Variants in SNX7 observed in about 807,000 individuals in gnomAD.
SNX7 encodes sorting nexin 7, also known as sorting nexin-7.
A neutral mutation model predicts 48.4 loss-of-function variants in SNX7; 35 were observed. The observed-to-expected ratio is 0.72, with a 90% confidence interval of 0.55 to 0.96. The LOEUF is 0.96. SNX7 is among the 40% of genes least tolerant of loss of function. SNX7 has a pLI of 0.00. For missense variants in SNX7, 553 were observed against 548.9 expected (o/e 1.01, Z -0.07); for synonymous variants, 190 against 190.2 (o/e 1.00, Z 0.01).
chr1:98,715,417 T>C (rs906782613), intron 7 of SNX7, among the ~76,000 whole-genome samples: 4 of 152,188 alleles, frequency 2.6e-5, no homozygotes, highest in Admixed American at 2.0e-4. Flanking sequence ...GATGACTGAT[T>C]AAGGCAATGT....
rs1301404807 is a variant in SNX7, at chr1:98,661,741, G to C, written c.10G>C (p.Glu4Gln). The C allele has an allele frequency of 2.7e-5, 33 of 1,231,032 alleles. No homozygotes were observed. The highest frequency in any genetic ancestry group is 3.3e-5 in the Non-Finnish European group (32 of 982,644). 76.3% of individuals were successfully genotyped at this position (1,231,032 alleles called of 1,614,324 possible). A position where few individuals can be genotyped will look rare whatever the true frequency, so the allele number is the denominator to read the frequency against. ...GGCGCGCACTCTCGGGATGGAGGGCGAGCGCCGGGCATCGCAGGCGCCCTC... is the reference window on the plus strand; with the variant it reads ...GGCGCGCACTCTCGGGATGGAGGGCCAGCGCCGGGCATCGCAGGCGCCCTC... MEG[E>Q]RRASQAPSSG... is the part of the protein sequence containing the mutation. Residue 4 changes from glutamate (E) to glutamine (Q), a missense_variant, in exon 1 of 9, where the codon GAG becomes CAG. Coordinates refer to ENST00000306121, the MANE Select transcript of SNX7 (RefSeq NM_015976.5).
chr1:98,706,264 G>A (rs1425029736), intron 7 of SNX7, among the ~76,000 whole-genome samples: 1 of 152,132 alleles, frequency 6.6e-6, no homozygotes, highest in Non-Finnish European at 1.5e-5. Flanking sequence ...GTGTTGAGGA[G>A]CAGTGCAATT....
intron 7 of SNX7, among the ~76,000 whole-genome samples, chr1:98,704,705 T>C (rs1557809990): frequency 6.6e-6 from 1 of 152,140 alleles, no homozygotes; most frequent in Non-Finnish European, 1.5e-5. Context: ...CCTGGTTGTT[T>C]ACCATGGCAA....
rs184243939 is a variant in SNX7, at chr1:98,731,060, C to G, written c.1126-7177C>G. ...CTGGGTGATGGGTTGATAGGTGCAG[C>G]AAACCACCATGGCACATGTTTACCT... is the stretch of plus-strand genomic sequence containing the variant. On this transcript the variant is annotated intron_variant, in intron 7 of 8. Coordinates refer to ENST00000306121, the MANE Select transcript of SNX7 (RefSeq NM_015976.5). 1.4e-4 allele frequency among the ~76,000 whole-genome samples: 21 copies of G among 151,644 alleles called. No homozygotes were observed. In the East Asian group the frequency reaches 3.3e-3, roughly 24 times the overall value.
At chr1:98,754,443 C>G (rs797008333) in intron 8 of SNX7, among the ~76,000 whole-genome samples, 17 of 152,086 alleles carry the variant, frequency 1.1e-4, no homozygotes, top group African/African-American at 3.9e-4. Flanking sequence ...CTATAATTCT[C>G]TAGTGAAGAA....
intron 7 of SNX7, among the ~76,000 whole-genome samples, chr1:98,734,656 T>G (rs1653685036): frequency 6.6e-6 from 1 of 152,186 alleles, no homozygotes; most frequent in Non-Finnish European, 1.5e-5. Flanking sequence ...TTACTGTTAC[T>G]ATAGATATGT....
Position 98,701,849 on chromosome 1 carries a change from A to T in SNX7, c.1071A>T (p.Ala357=). ...TGAAAAGAAGAGACCAAATACAAGC[A>T]GAACTGGATTCCAAAGTTGAAGTTT... ...GVMKRRDQIQ[A]ELDSKVEVLT... Residue 357 remains alanine (A), a synonymous_variant, in exon 7 of 9, where the codon GCA becomes GCT. Coordinates refer to ENST00000306121, the MANE Select transcript of SNX7 (RefSeq NM_015976.5). 1 of 1,611,436 alleles carries T rather than the reference A, an allele frequency of 6.2e-7. No homozygotes were observed. Among genetic ancestry groups the T allele is most frequent in the Non-Finnish European group, 8.5e-7 (1 of 1,178,600 alleles).
At chr1:98,665,948 T>C (rs1201788318) in intron 1 of SNX7, among the ~76,000 whole-genome samples, 1 of 152,182 alleles carries the variant, frequency 6.6e-6, no homozygotes, top group African/African-American at 2.4e-5. Context: ...TGTATACATA[T>C]CTTTATATGT....
chr1:98,690,996 C>T (rs1651086842), intron 2 of SNX7, 79 bp from the exon 3 acceptor site: 1 of 803,782 alleles, frequency 1.2e-6, no homozygotes, highest in African/African-American at 1.8e-5. Flanking sequence ...CCATTTATTT[C>T]ACAATGTCTA....
At chr1:98,700,409 C>T (rs149605941) in intron 6 of SNX7, among the ~76,000 whole-genome samples, 2 of 152,164 alleles carry the variant, frequency 1.3e-5, no homozygotes, top group African/African-American at 4.8e-5. Flanking sequence ...GAGAGTGAGT[C>T]ATTTTGGTCA....
chr1:98,752,191 TACTC>T (rs1330584170), intron 8 of SNX7, among the ~76,000 whole-genome samples: 1 of 152,084 alleles, frequency 6.6e-6, no homozygotes, highest in East Asian at 1.9e-4. Context: ...GGACAGTAAA[TACTC>T]ACTGTAATAA....
chr1:98,745,276 C>G (rs1376163327), intron 8 of SNX7, among the ~76,000 whole-genome samples: 1 of 151,892 alleles, frequency 6.6e-6, no homozygotes, highest in Non-Finnish European at 1.5e-5. Flanking sequence ...TAGGCTGAAC[C>G]TCTGTCAAGA....
chr1:98,685,095 A>G (rs371119324), intron 2 of SNX7, 28 bp downstream of exon 2: 10 of 1,340,556 alleles, frequency 7.5e-6, no homozygotes, highest in Non-Finnish European at 9.9e-6. Flanking sequence ...ATTTTCTTGA[A>G]TATAGCTGCT....
chr1:98,727,546 G>A (rs896798068), intron 7 of SNX7, among the ~76,000 whole-genome samples: 10 of 152,100 alleles, frequency 6.6e-5, no homozygotes, highest in Non-Finnish European at 1.2e-4. Flanking sequence ...GACAGAAGTA[G>A]ACGTTTCAGA....
chr1:98,739,562 CAAAGAGAGCATGAT>C (rs1403692997), intron 8 of SNX7, among the ~76,000 whole-genome samples: 1 of 152,016 alleles, frequency 6.6e-6, no homozygotes, highest in Admixed American at 6.5e-5. Flanking sequence ...GAAACAATCA[CAAAGAGAGCATGAT>C]AAAATGGTAT....
intron 4 of SNX7, among the ~76,000 whole-genome samples, chr1:98,693,138 A>G (rs1484466912): frequency 1.3e-5 from 2 of 151,692 alleles, no homozygotes; most frequent in African/African-American, 4.8e-5. Context: ...AGTTAGGATA[A>G]AAGTCCTTAT....
chr1:98,687,807 G>A (rs1019747804), intron 2 of SNX7, among the ~76,000 whole-genome samples: 1 of 152,116 alleles, frequency 6.6e-6, no homozygotes, highest in Non-Finnish European at 1.5e-5. Context: ...AATCATGGCA[G>A]AAAGCAAGGG....
chr1:98,665,525 T>TA (rs1217431254), intron 1 of SNX7, among the ~76,000 whole-genome samples: 1 of 152,228 alleles, frequency 6.6e-6, no homozygotes, highest in Non-Finnish European at 1.5e-5. Context: ...ATCAGAGTTA[T>TA]AATGACATGA....
chr1:98,696,117 G>A (rs1258587158), intron 5 of SNX7, among the ~76,000 whole-genome samples: 2 of 151,764 alleles, frequency 1.3e-5, no homozygotes, highest in African/African-American at 4.8e-5. Context: ...ACCTGTCGAA[G>A]TATGGCAGAG....
Sources: gnomAD v4.1 joint callset for allele counts (sites outside exome capture counted in the v4.1 genomes callset) on GRCh38, gnomAD v4.1.1 for gene constraint, MANE v1.5 for transcripts, NCBI Gene and HGNC (gene_info 2026-07-23, HGNC 2026-07-21) for gene names.